LRRIQ1: variants seen among roughly 807,000 people sequenced by gnomAD.
LRRIQ1 encodes the protein leucine-rich repeat- and IQ domain-containing protein 1.
LRRIQ1 carries 210 observed loss-of-function variants against 211.9 expected under a neutral mutation model. The ratio of observed to expected loss-of-function variants is 0.99; its 90% CI spans 0.89 to 1.11. The LOEUF (loss-of-function observed/expected upper bound fraction) is 1.11. Ranked by LOEUF, LRRIQ1 falls within the 50% of genes most tolerant of loss-of-function variation. The pLI, the probability that LRRIQ1 is intolerant of heterozygous loss-of-function variation, is 0.00. For synonymous variants in LRRIQ1, 699 were observed against 650.1 expected, an observed-to-expected ratio of 1.08 and a Z score of -1.14; for missense variants, 2,136 against 1,939.5, an observed-to-expected ratio of 1.10 and a Z score of -1.90.
intron 6 of LRRIQ1, among the ~76,000 whole-genome samples, chr12:85,049,944 T>G (rs1023442117): frequency 9.9e-5 from 15 of 152,244 alleles, no homozygotes; most frequent in African/African-American, 3.6e-4. Context: ...TGGCAATTAC[T>G]CATTGATATC....
At chr12:85,229,215 A>G (rs1308233264) in intron 24 of LRRIQ1, among the ~76,000 whole-genome samples, 1 of 152,196 alleles carries the variant, frequency 6.6e-6, no homozygotes, top group African/African-American at 2.4e-5. Context: ...AAAATTCTAC[A>G]GTCTACCAAA....
At position 85,083,205 on chromosome 12, in the gene LRRIQ1, T is replaced by C. The variant is rs1453506989; in HGVS notation, c.2887+10107T>C. Among the ~76,000 whole-genome samples, 7 of 152,196 alleles carry C rather than the reference T, an allele frequency of 4.6e-5. No individual in the cohort carries two copies. In the East Asian group the frequency reaches 1.3e-3, roughly 29 times the overall value. On this transcript the variant is annotated intron_variant, in intron 11 of 26. Transcript: ENST00000393217. ...GTTCTGAGGCTGCAGAAATGGATTG[T>C]CATATTCATCAGTTTAACAAGTTTT...
rs1887995735 is a variant in LRRIQ1, at chr12:85,121,683, G to A, written c.3378-14G>A. The stretch of plus-strand genomic sequence containing the variant: ...CAAGATCAGGATTATTAACTTTTTT[G>A]TTGTTTTCAATAGGGATTCTCTACT... On this transcript the variant is annotated splice_polypyrimidine_tract_variant and intron_variant, in intron 15 of 26. Transcript: ENST00000393217. The A allele has an allele frequency of 1.9e-6, 3 of 1,539,302 alleles. No individual in the cohort carries two copies. Among genetic ancestry groups the A allele is most frequent in the Non-Finnish European group, 2.6e-6 (3 of 1,145,300 alleles).
At chr12:85,197,998 ATAACATATATAATATATTATATT>A (rs1565898550) in intron 24 of LRRIQ1, among the ~76,000 whole-genome samples, 1 of 59,270 alleles carries the variant, frequency 1.7e-5, no homozygotes, top group East Asian at 3.5e-4. Context: ...TATATTATAT[ATAACATATATAATATATTATATT>A]ATTATATATA....
intron 23 of LRRIQ1, among the ~76,000 whole-genome samples, chr12:85,157,437 A>G (rs1349455711): frequency 6.6e-6 from 1 of 151,898 alleles, no homozygotes; most frequent in Non-Finnish European, 1.5e-5. Context: ...CTTGATTGGC[A>G]TAAGCTTGAA....
chr12:85,144,935 GTTTTTGT>G (rs1565866832), intron 19 of LRRIQ1, among the ~76,000 whole-genome samples: 1 of 150,884 alleles, frequency 6.6e-6, no homozygotes, highest in Non-Finnish European at 1.5e-5. Flanking sequence ...TTGTTTGTTT[GTTTTTGT>G]TTTTTGTTTT....
intron 24 of LRRIQ1, among the ~76,000 whole-genome samples, chr12:85,169,753 A>G (rs974455180): frequency 3.3e-5 from 5 of 151,986 alleles, no homozygotes; most frequent in Non-Finnish European, 5.9e-5. Flanking sequence ...TTTATTTGCT[A>G]TTGTCTCATT....
chr12:85,165,022 G>T (rs1455633144), intron 24 of LRRIQ1, among the ~76,000 whole-genome samples: 2 of 151,998 alleles, frequency 1.3e-5, no homozygotes, highest in Middle Eastern at 3.2e-3. Flanking sequence ...ATGAAGATTT[G>T]ATTTGTGACC....
intron 26 of LRRIQ1, among the ~76,000 whole-genome samples, chr12:85,236,853 A>ATATATATC (rs1284295531): frequency 6.9e-6 from 1 of 144,124 alleles, no homozygotes; most frequent in Admixed American, 6.9e-5. Context: ...ATATATATAT[A>ATATATATC]TATCTCCCAG....
At chr12:85,037,280 A>C (rs570516699) in intron 1 of LRRIQ1, among the ~76,000 whole-genome samples, 16 of 152,146 alleles carry the variant, frequency 1.1e-4, no homozygotes, top group African/African-American at 3.4e-4. Flanking sequence ...ATGAACAGAG[A>C]AAGTCATGTA....
intron 18 of LRRIQ1, among the ~76,000 whole-genome samples, chr12:85,129,780 C>G (rs1429672036): frequency 2.6e-5 from 4 of 152,108 alleles, no homozygotes; most frequent in Admixed American, 6.6e-5. Flanking sequence ...TGGAAAGACA[C>G]TGGTGGAATT....
rs1446020537 is a variant in LRRIQ1, at chr12:85,040,598, TTAAG to T, written c.244+4_244+7del. The T allele has an allele frequency of 6.5e-7, 1 of 1,546,510 alleles. No homozygotes were observed. Among genetic ancestry groups the T allele is most frequent in the Non-Finnish European group, 8.9e-7 (1 of 1,124,940 alleles). ...TCAGGACCTGGAAGATACTGATATT[TTAAG>T]TAAGTACTATTTTCATCTGTCTGGC... On this transcript the variant is annotated splice_donor_variant and coding_sequence_variant, in exon 3 of 27. Coordinates refer to ENST00000393217, the MANE Select transcript of LRRIQ1 (RefSeq NM_001079910.2). LOFTEE classifies it high-confidence loss of function.
chr12:85,233,463 G>C (rs116331394), intron 26 of LRRIQ1, among the ~76,000 whole-genome samples: 2,961 of 152,142 alleles, frequency 0.019, 96 homozygotes, highest in African/African-American at 0.068. Context: ...GTGACCCTAA[G>C]TTTACAACCA....
intron 26 of LRRIQ1, among the ~76,000 whole-genome samples, chr12:85,234,408 G>T (rs905401985): frequency 6.6e-6 from 1 of 152,032 alleles, no homozygotes; most frequent in African/African-American, 2.4e-5. Flanking sequence ...ACATTACAAT[G>T]ATACATTTTG....
At chr12:85,153,893 TG>T (rs1192804212) in intron 22 of LRRIQ1, 118 bp from the exon 23 acceptor site, 1 of 944,962 alleles carries the variant, frequency 1.1e-6, no homozygotes, top group Non-Finnish European at 1.5e-6. Flanking sequence ...GTTTCTTAAA[TG>T]GGAATTCACA....
intron 24 of LRRIQ1, among the ~76,000 whole-genome samples, chr12:85,211,334 A>T (rs1168978244): frequency 6.6e-6 from 1 of 152,164 alleles, no homozygotes; most frequent in African/African-American, 2.4e-5. Context: ...ACTTTGTGAA[A>T]TGCTCTTTGT....
chr12:85,042,525 ATTAT>A (rs1212860512), intron 3 of LRRIQ1, among the ~76,000 whole-genome samples: 1 of 148,680 alleles, frequency 6.7e-6, no homozygotes, highest in Non-Finnish European at 1.5e-5. Flanking sequence ...ACTAATATGT[ATTAT>A]TTATTAAATT....
intron 26 of LRRIQ1, 93 bp from the exon 27 acceptor site, chr12:85,244,696 A>G: frequency 5.6e-6 from 6 of 1,078,944 alleles, no homozygotes; most frequent in Non-Finnish European, 7.0e-6. Flanking sequence ...TGTTTGACAG[A>G]GCCTGTTTGT....
In LRRIQ1 at chr12:85,090,938, C is replaced by T. The variant is rs12307495; in HGVS notation, c.2888-7417C>T. ...CGAGTCTCATGTTGAATTTTAATCC[C>T]CAATGCTGAAGGTGAGGTATGGTGG... On this transcript the variant is annotated intron_variant, in intron 11 of 26. Transcript: ENST00000393217. 7.6e-3 allele frequency among the ~76,000 whole-genome samples: 1,153 copies of T among 152,192 alleles called. 19 individuals carry two copies. The highest frequency in any genetic ancestry group is 0.026 in the African/African-American group (1,084 of 41,522).
Sources: gnomAD v4.1 joint callset for allele counts (sites outside exome capture counted in the v4.1 genomes callset) on GRCh38, gnomAD v4.1.1 for gene constraint, MANE v1.5 for transcripts, NCBI Gene and HGNC (gene_info 2026-07-23, HGNC 2026-07-21) for gene names.